DLGAP1: variants seen among roughly 807,000 people sequenced by gnomAD.
DLGAP1 encodes DLG associated protein 1.
Under a neutral mutation model 90.8 loss-of-function variants are expected in DLGAP1, and 11 were observed. That is an observed-to-expected ratio of 0.12 (90% CI 0.08 to 0.20). DLGAP1 has a LOEUF of 0.20. Ranked by LOEUF, DLGAP1 falls within the 10% of genes least tolerant of loss-of-function variation. DLGAP1 has a pLI of 1.00. For missense variants in DLGAP1, 1,050 were observed against 1,333.8 expected (o/e 0.79, Z 3.31); for synonymous variants, 558 against 540.7 (o/e 1.03, Z -0.44).
In DLGAP1 at chr18:3,590,711, C is replaced by T. The variant is rs189362560; in HGVS notation, c.1592-8463G>A. Among the ~76,000 whole-genome samples, 168 of 151,994 alleles carry T rather than the reference C, an allele frequency of 1.1e-3. 1 individual carries two copies. The highest frequency in any genetic ancestry group is 3.6e-3 in the African/African-American group (150 of 41,464). On this transcript the variant is annotated intron_variant, in intron 7 of 12. Coordinates refer to ENST00000315677, the MANE Select transcript of DLGAP1 (RefSeq NM_004746.4). Reference sequence around the variant, plus strand: ...CTCTACTAAAAATACAAAAATTAGCCGGGGGTGGTGGCACATGCCTGTAAT... The same window carrying T: ...CTCTACTAAAAATACAAAAATTAGCTGGGGGTGGTGGCACATGCCTGTAAT...
intron 1 of DLGAP1, among the ~76,000 whole-genome samples, chr18:4,394,335 C>T (rs1411513143): frequency 6.6e-6 from 1 of 152,094 alleles, no homozygotes; most frequent in Non-Finnish European, 1.5e-5. Flanking sequence ...CAGGAGGAAA[C>T]AAGAAGCTAT....
At chr18:4,021,345 C>T (rs1159258052) in intron 2 of DLGAP1, among the ~76,000 whole-genome samples, 1 of 152,126 alleles carries the variant, frequency 6.6e-6, no homozygotes. Flanking sequence ...TGAGTGATTT[C>T]TTGTGAGATC....
chr18:4,351,699 A>C (rs769813920), intron 1 of DLGAP1, among the ~76,000 whole-genome samples: 5 of 152,226 alleles, frequency 3.3e-5, no homozygotes, highest in Non-Finnish European at 7.3e-5. Context: ...ATCAGTTATC[A>C]AAGTATGAGT....
intron 1 of DLGAP1, among the ~76,000 whole-genome samples, chr18:4,214,911 A>T (rs1408268863): frequency 1.3e-5 from 2 of 152,158 alleles, no homozygotes; most frequent in East Asian, 3.8e-4. Flanking sequence ...TATTAATACA[A>T]TTCTTGATCC....
At chr18:3,891,802 C>T (rs539651676) in intron 3 of DLGAP1, 32 of 152,064 alleles carry the variant, frequency 2.1e-4, no homozygotes, top group African/African-American at 6.8e-4. Flanking sequence ...GAAGATCTCA[C>T]TCTGATGCCC....
chr18:4,072,249 C>A (rs892309363), intron 2 of DLGAP1, among the ~76,000 whole-genome samples: 1 of 152,026 alleles, frequency 6.6e-6, no homozygotes, highest in Admixed American at 6.6e-5. Flanking sequence ...CAAAAAAAGA[C>A]CTTCGCTGCA....
intron 4 of DLGAP1, among the ~76,000 whole-genome samples, chr18:3,854,412 C>A (rs75284150): frequency 6.6e-6 from 1 of 152,076 alleles, no homozygotes; most frequent in Non-Finnish European, 1.5e-5. Context: ...TTTAGCATTC[C>A]CCAATTTTGT....
chr18:4,166,380 T>C (rs1017617713), intron 1 of DLGAP1, among the ~76,000 whole-genome samples: 11 of 152,050 alleles, frequency 7.2e-5, no homozygotes, highest in Non-Finnish European at 1.5e-4. Context: ...AGATTATGAG[T>C]GTTGACAAGG....
chr18:3,525,468 C>A (rs542164951), intron 10 of DLGAP1, among the ~76,000 whole-genome samples: 1 of 152,100 alleles, frequency 6.6e-6, no homozygotes, highest in African/African-American at 2.4e-5. Flanking sequence ...GGCGTGATCT[C>A]GGCTCACTGC....
chr18:3,915,501 A>G (rs1411108132), intron 3 of DLGAP1, among the ~76,000 whole-genome samples: 1 of 152,208 alleles, frequency 6.6e-6, no homozygotes. Context: ...ACAAAGATGG[A>G]AGCTGCTAAT....
At chr18:4,361,899 G>A (rs1284510467) in intron 1 of DLGAP1, among the ~76,000 whole-genome samples, 2 of 152,002 alleles carry the variant, frequency 1.3e-5, no homozygotes, top group Admixed American at 6.6e-5. Context: ...AAAACCAGAA[G>A]ACCTAATTTA....
In DLGAP1 at chr18:3,730,189, G is replaced by A. The variant is rs558460459; in HGVS notation, c.1351-814C>T. ...GATCACTTCAGCCCAGGAGGTCGAG[G>A]CTGCAGTAAGGCCTGATTGCACCAC... On this transcript the variant is annotated intron_variant, in intron 6 of 12. Coordinates refer to ENST00000315677, the MANE Select transcript of DLGAP1 (RefSeq NM_004746.4). 5.3e-5 allele frequency among the ~76,000 whole-genome samples: 8 copies of A among 152,304 alleles called. No homozygotes were observed. In the East Asian group the frequency reaches 1.4e-3, roughly 26 times the overall value.
intron 2 of DLGAP1, among the ~76,000 whole-genome samples, chr18:4,070,675 C>T (rs570868053): frequency 5.2e-4 from 79 of 151,590 alleles, no homozygotes; most frequent in African/African-American, 1.8e-3. Flanking sequence ...TGGCAAGGAG[C>T]CTTAAACAGG....
chr18:3,873,112 C>T (rs1360853987), intron 4 of DLGAP1, among the ~76,000 whole-genome samples: 2 of 152,190 alleles, frequency 1.3e-5, no homozygotes, highest in African/African-American at 4.8e-5. Flanking sequence ...CCCTTTACTA[C>T]CACTGAGTCT....
At chr18:3,829,865 C>A (rs1348712364) in intron 4 of DLGAP1, among the ~76,000 whole-genome samples, 2 of 152,182 alleles carry the variant, frequency 1.3e-5, no homozygotes, top group Non-Finnish European at 2.9e-5. Context: ...CAGCAGGTGG[C>A]TGCACAGAAC....
chr18:4,296,811 G>A (rs2079992979), intron 1 of DLGAP1, among the ~76,000 whole-genome samples: 1 of 152,106 alleles, frequency 6.6e-6, no homozygotes, highest in South Asian at 2.1e-4. Context: ...CCCATTACCT[G>A]TGCACTGAAA....
In DLGAP1 at chr18:4,101,162, T is replaced by G. The variant is rs2075772649; in HGVS notation, c.-159+50018A>C. 2.0e-5 allele frequency among the ~76,000 whole-genome samples: 3 copies of G among 152,332 alleles called. No individual in the cohort carries two copies. In the South Asian group the frequency reaches 6.2e-4, roughly 32 times the overall value. Reference sequence around the variant, plus strand: ...TTTTACGTGGCTTCCTCACTAAGCTTAATCATTTCTAGCTTTTGGTTTAAA... The same window carrying G: ...TTTTACGTGGCTTCCTCACTAAGCTGAATCATTTCTAGCTTTTGGTTTAAA... On this transcript the variant is annotated intron_variant, in intron 2 of 12. Coordinates refer to ENST00000315677, the MANE Select transcript of DLGAP1 (RefSeq NM_004746.4).
At chr18:3,772,613 C>A (rs2148038491) in intron 5 of DLGAP1, among the ~76,000 whole-genome samples, 1 of 151,426 alleles carries the variant, frequency 6.6e-6, no homozygotes, top group South Asian at 2.1e-4. Context: ...TTCATGTGAT[C>A]ATTTTGGGAA....
At chr18:3,891,544 G>T (rs745886375) in intron 3 of DLGAP1, among the ~76,000 whole-genome samples, 8 of 152,058 alleles carry the variant, frequency 5.3e-5, no homozygotes, top group Non-Finnish European at 1.2e-4. Flanking sequence ...TTCTCATCTA[G>T]ACTTGGTTGG....
Sources: gnomAD v4.1 joint callset for allele counts (sites outside exome capture counted in the v4.1 genomes callset) on GRCh38, gnomAD v4.1.1 for gene constraint, MANE v1.5 for transcripts, NCBI Gene and HGNC (gene_info 2026-07-23, HGNC 2026-07-21) for gene names.